Variants in ZDHHC11 observed in about 807,000 individuals in gnomAD.
ZDHHC11 encodes the protein zDHHC palmitoyltransferase 11.
ZDHHC11 carries 44 observed loss-of-function variants against 51.3 expected under a neutral mutation model. The observed-to-expected ratio is 0.86, with a 90% CI of 0.67 to 1.10. ZDHHC11 has a LOEUF of 1.10. ZDHHC11 is among the 50% of genes least tolerant of loss of function. ZDHHC11 has a pLI of 0.00. For synonymous variants in ZDHHC11, 163 were observed against 222.0 expected (o/e 0.73, Z 2.36); for missense variants, 400 against 537.7 (o/e 0.74, Z 2.53).
chr5:817,769 C>T (rs1741007709), intron 10 of ZDHHC11, among the ~76,000 whole-genome samples: 1 of 151,242 alleles, frequency 6.6e-6, no homozygotes, highest in African/African-American at 2.4e-5. Context: ...CTCCCCATTG[C>T]CTCACCTTGG....
intron 3 of ZDHHC11, among the ~76,000 whole-genome samples, chr5:844,737 G>A (rs1170639181): frequency 6.6e-6 from 1 of 152,304 alleles, no homozygotes; most frequent in African/African-American, 2.4e-5. Flanking sequence ...CACCTCGGCT[G>A]CAGTCCCCCC....
chr5:818,383 G>T (rs1179832632), intron 10 of ZDHHC11, among the ~76,000 whole-genome samples: 2 of 151,724 alleles, frequency 1.3e-5, no homozygotes, highest in Non-Finnish European at 3.0e-5. Context: ...CAGGGAAGGG[G>T]CAAGGCTTGG....
intron 12 of ZDHHC11, 104 bp from the exon 13 acceptor site, chr5:796,684 TG>T (rs1235186488): frequency 6.6e-6 from 1 of 151,910 alleles, no homozygotes; most frequent in Non-Finnish European, 1.5e-5. Flanking sequence ...ACCTGTTGCC[TG>T]GAGAGGCAGG....
chr5:834,252 T>C (rs1743474772), intron 6 of ZDHHC11, among the ~76,000 whole-genome samples: 1 of 151,046 alleles, frequency 6.6e-6, no homozygotes, highest in Non-Finnish European at 1.5e-5. Context: ...TGTTGAGCAT[T>C]TTTTTCCATG....
intron 9 of ZDHHC11, chr5:821,031 T>C (rs932553984): frequency 3.3e-5 from 5 of 151,380 alleles, no homozygotes; most frequent in African/African-American, 9.7e-5. Flanking sequence ...AGTTACTTCG[T>C]TGGGATAAAA....
At chr5:808,957 C>T (rs1412075297) in intron 11 of ZDHHC11, among the ~76,000 whole-genome samples, 16 of 148,900 alleles carry the variant, frequency 1.1e-4, no homozygotes, top group Admixed American at 7.5e-4. Flanking sequence ...TCGGCCTCCC[C>T]ACATGCTCCA....
At chr5:852,934 AG>A (rs1561313192), upstream of ZDHHC11, among the ~76,000 whole-genome samples, 1 of 63,952 alleles carries the variant, frequency 1.6e-5, no homozygotes, top group African/African-American at 6.1e-5. Context: ...CAGCGAGCCG[AG>A]GGGACAGACC....
chr5:840,108 T>G (rs1243196802), intron 5 of ZDHHC11: 3 of 611,348 alleles, frequency 4.9e-6, no homozygotes, highest in Non-Finnish European at 5.8e-6. Flanking sequence ...TGTTAGAATT[T>G]CTACTTGTGT....
chr5:804,447 G>T (rs534806134), intron 11 of ZDHHC11, among the ~76,000 whole-genome samples: 12 of 151,152 alleles, frequency 7.9e-5, no homozygotes, highest in South Asian at 2.1e-4. Flanking sequence ...AAGAAATAAT[G>T]GCTGAAAACT....
chr5:797,154 C>A (rs1737705335), intron 12 of ZDHHC11, among the ~76,000 whole-genome samples: 1 of 151,322 alleles, frequency 6.6e-6, no homozygotes, highest in African/African-American at 2.4e-5. Context: ...TTGCAGTGAG[C>A]CAAGATTGGG....
intron 12 of ZDHHC11, among the ~76,000 whole-genome samples, chr5:798,490 G>T (rs1330854109): frequency 1.3e-5 from 2 of 150,502 alleles, no homozygotes; most frequent in South Asian, 2.1e-4. Flanking sequence ...CACATGACTA[G>T]AACCTCTGGC....
intron 5 of ZDHHC11, among the ~76,000 whole-genome samples, chr5:838,241 GC>G (rs1402264643): frequency 6.6e-6 from 1 of 151,970 alleles, no homozygotes; most frequent in African/African-American, 2.4e-5. Context: ...GCCCAGGGAA[GC>G]AAAGCAAAAC....
chr5:823,070 A>T (rs1355644054), intron 8 of ZDHHC11, among the ~76,000 whole-genome samples: 7 of 150,380 alleles, frequency 4.7e-5, no homozygotes, highest in Non-Finnish European at 1.0e-4. Context: ...ATTTTATTTC[A>T]GCCTGTGGCT....
At chr5:831,112 T>C (rs1302199190) in intron 7 of ZDHHC11, among the ~76,000 whole-genome samples, 3 of 149,236 alleles carry the variant, frequency 2.0e-5, no homozygotes, top group Non-Finnish European at 3.0e-5. Context: ...CAAAGATAAA[T>C]AGATGCAATT....
At chr5:802,577 G>T (rs1050852755) in intron 11 of ZDHHC11, among the ~76,000 whole-genome samples, 3 of 150,426 alleles carry the variant, frequency 2.0e-5, no homozygotes, top group African/African-American at 7.3e-5. Context: ...TATAGAGGCT[G>T]GTCCTTCCAC....
chr5:825,262 A>T lies in ZDHHC11; in HGVS notation c.936-11T>A. ...CTCTTGGCTTTGACTCTGGTGGGACAGAAAGGAGGAGAGAAACTCATCTCA... is the reference window on the plus strand; with the variant it reads ...CTCTTGGCTTTGACTCTGGTGGGACTGAAAGGAGGAGAGAAACTCATCTCA... On this transcript the variant is annotated splice_polypyrimidine_tract_variant and intron_variant, in intron 7 of 12. Transcript: ENST00000283441. 2 of 1,610,976 alleles carry T rather than the reference A, an allele frequency of 1.2e-6. No individual in the cohort carries two copies.
chr5:824,157 G>A, intron 8 of ZDHHC11: 1 of 447,096 alleles, frequency 2.2e-6, no homozygotes, highest in South Asian at 1.6e-5. Context: ...GACAAAACCT[G>A]CTCAAAAGGA....
intron 7 of ZDHHC11, among the ~76,000 whole-genome samples, chr5:828,167 T>A (rs1742549719): frequency 6.6e-6 from 1 of 151,430 alleles, no homozygotes; most frequent in African/African-American, 2.4e-5. Flanking sequence ...CCATCCGATT[T>A]CTCAATCTTT....
chr5:854,208 T>C (rs865924887), upstream of ZDHHC11, among the ~76,000 whole-genome samples: 102 of 75,514 alleles, frequency 1.4e-3, no homozygotes, highest in Middle Eastern at 0.03. Context: ...CCATGGAGGA[T>C]AGCAAGCCAG....
Sources: allele counts gnomAD v4.1 joint callset (sites outside exome capture counted in the v4.1 genomes callset), GRCh38; gene constraint gnomAD v4.1.1; transcripts MANE v1.5; gene names NCBI Gene and HGNC (gene_info 2026-07-23, HGNC 2026-07-21).